The following SLC4A10 variants were observed in gnomAD, a reference collection of about 807,000 sequenced individuals.
SLC4A10 encodes solute carrier family 4 member 10.
SLC4A10 carries 42 observed loss-of-function variants against 137.7 expected under a neutral mutation model. The ratio of observed to expected loss-of-function variants is 0.30; its 90% confidence interval spans 0.24 to 0.39. The LOEUF (loss-of-function observed/expected upper bound fraction) is 0.39. SLC4A10 is among the 10% of genes least tolerant of loss of function. The probability of loss-of-function intolerance (pLI) is 1.00; values close to 1 mark genes in which losing one functional copy is unlikely to be tolerated. For synonymous variants in SLC4A10, 474 were observed against 464.1 expected, an observed-to-expected ratio of 1.02 and a Z score of -0.27; for missense variants, 925 against 1,355.0, an observed-to-expected ratio of 0.68 and a Z score of 4.98.
At chr2:161,830,347 A>G (rs551434322) in intron 3 of SLC4A10, among the ~76,000 whole-genome samples, 1 of 152,188 alleles carries the variant, frequency 6.6e-6, no homozygotes, top group East Asian at 1.9e-4. Context: ...TAATCCAAAC[A>G]TTTTTACAAT....
Position 161,890,885 on chromosome 2 carries a change from T to G in SLC4A10, c.1195-3794T>G, listed in dbSNP as rs181894161. ...TAGTTGATTCCCTTCTGTTTCTTCA[T>G]AGTGTCAATGGTCTTTACAATTTGC... is the stretch of plus-strand genomic sequence containing the variant. On this transcript the variant is annotated intron_variant, in intron 10 of 26. Coordinates refer to ENST00000446997, the MANE Select transcript of SLC4A10 (RefSeq NM_001178015.2). 2.0e-5 allele frequency among the ~76,000 whole-genome samples: 3 copies of G among 152,298 alleles called. No homozygotes were observed. In the East Asian group the frequency reaches 5.8e-4, roughly 29 times the overall value.
At chr2:161,916,992 T>C (rs930509675) in intron 15 of SLC4A10, among the ~76,000 whole-genome samples, 1 of 152,174 alleles carries the variant, frequency 6.6e-6, no homozygotes, top group African/African-American at 2.4e-5. Flanking sequence ...CCATAATCAA[T>C]GTATAGTACA....
intron 1 of SLC4A10, among the ~76,000 whole-genome samples, chr2:161,659,021 T>G (rs530833538): frequency 6.6e-6 from 1 of 152,172 alleles, no homozygotes; most frequent in African/African-American, 2.4e-5. Context: ...AAAACTAGAA[T>G]TACCATTTAG....
intron 12 of SLC4A10, among the ~76,000 whole-genome samples, chr2:161,901,567 C>G (rs2105306658): frequency 6.6e-6 from 1 of 152,178 alleles, no homozygotes; most frequent in Non-Finnish European, 1.5e-5. Flanking sequence ...AATGTGTGAG[C>G]AGAAAATCAG....
chr2:161,949,297 C>A (rs191450817), intron 18 of SLC4A10, 36 bp downstream of exon 18: 1 of 1,349,652 alleles, frequency 7.4e-7, no homozygotes, highest in South Asian at 1.2e-5. Context: ...CCATCTCTCT[C>A]GGTCTAATCT....
chr2:161,756,493 T>C (rs537733001), intron 1 of SLC4A10, among the ~76,000 whole-genome samples: 1 of 152,292 alleles, frequency 6.6e-6, no homozygotes, highest in Admixed American at 6.5e-5. Context: ...TTCTTGCTCA[T>C]ACTACATTTT....
At chr2:161,885,934 C>G (rs1315575661) in intron 10 of SLC4A10, among the ~76,000 whole-genome samples, 2 of 152,052 alleles carry the variant, frequency 1.3e-5, no homozygotes, top group African/African-American at 4.8e-5. Context: ...GAAGCCCTGT[C>G]TCTACCAAAA....
At chr2:161,727,338 T>C (rs1473142028) in intron 1 of SLC4A10, among the ~76,000 whole-genome samples, 1 of 152,170 alleles carries the variant, frequency 6.6e-6, no homozygotes, top group Non-Finnish European at 1.5e-5. Flanking sequence ...TACTTTACAG[T>C]GTGCTCAAAG....
chr2:161,880,606 G>T (rs1344391004), intron 9 of SLC4A10, among the ~76,000 whole-genome samples: 1 of 152,096 alleles, frequency 6.6e-6, no homozygotes, highest in Non-Finnish European at 1.5e-5. Context: ...AAAGGGAAAG[G>T]ATGAACTGAG....
chr2:161,634,152 T>C (rs961955601), intron 1 of SLC4A10, among the ~76,000 whole-genome samples: 1 of 151,912 alleles, frequency 6.6e-6, no homozygotes, highest in Non-Finnish European at 1.5e-5. Flanking sequence ...TTTGTGACAG[T>C]TATTAAGTCT....
intron 20 of SLC4A10, among the ~76,000 whole-genome samples, chr2:161,958,163 G>A (rs1051001861): frequency 6.6e-6 from 1 of 152,040 alleles, no homozygotes; most frequent in South Asian, 2.1e-4. Flanking sequence ...TGTCTCCAAA[G>A]TAGCATAATA....
At chr2:161,630,576 C>G (rs74570608) in intron 1 of SLC4A10, among the ~76,000 whole-genome samples, 2,596 of 151,790 alleles carry the variant, frequency 0.017, 75 homozygotes, top group African/African-American at 0.058. Context: ...ACTTATGATG[C>G]TAGTTAATGG....
chr2:161,633,284 C>T (rs2033882865), intron 1 of SLC4A10, among the ~76,000 whole-genome samples: 1 of 151,660 alleles, frequency 6.6e-6, no homozygotes. Flanking sequence ...AACTTGTTGC[C>T]TCAATCGGTG....
At chr2:161,805,554 G>A (rs757646359) in intron 3 of SLC4A10, among the ~76,000 whole-genome samples, 9 of 152,166 alleles carry the variant, frequency 5.9e-5, no homozygotes, top group Non-Finnish European at 1.3e-4. Flanking sequence ...GGTAAATACA[G>A]CCATTCCAAA....
At chr2:161,814,744 C>A (rs2056886771) in intron 3 of SLC4A10, among the ~76,000 whole-genome samples, 1 of 151,882 alleles carries the variant, frequency 6.6e-6, no homozygotes, top group African/African-American at 2.4e-5. Flanking sequence ...ACGATGGCAA[C>A]AATAGACACT....
At chr2:161,769,490 G>A (rs1481741061) in intron 1 of SLC4A10, among the ~76,000 whole-genome samples, 1 of 151,900 alleles carries the variant, frequency 6.6e-6, no homozygotes, top group Non-Finnish European at 1.5e-5. Flanking sequence ...TGCAAGGCAA[G>A]AACTATATCC....
intron 1 of SLC4A10, among the ~76,000 whole-genome samples, chr2:161,748,029 C>A (rs902486458): frequency 9.9e-5 from 15 of 151,920 alleles, no homozygotes; most frequent in Admixed American, 7.2e-4. Context: ...TGATGAGCAC[C>A]TTTTCATATA....
chr2:161,766,335 A>AT (rs1388148063), intron 1 of SLC4A10, among the ~76,000 whole-genome samples: 1 of 152,166 alleles, frequency 6.6e-6, no homozygotes, highest in African/African-American at 2.4e-5. Context: ...TGAGGATAGC[A>AT]TAGGTGCCTT....
intron 7 of SLC4A10, 55 bp from the exon 8 acceptor site, chr2:161,873,861 G>A (rs1255897680): frequency 1.9e-5 from 29 of 1,529,718 alleles, no homozygotes; most frequent in East Asian, 2.4e-5. Context: ...GGTGCCTGGC[G>A]GAGTCTCCGT....
Sources: allele counts gnomAD v4.1 joint callset (sites outside exome capture counted in the v4.1 genomes callset), GRCh38; gene constraint gnomAD v4.1.1; transcripts MANE v1.5; gene names NCBI Gene and HGNC (gene_info 2026-07-23, HGNC 2026-07-21).